NTRK3: variants seen among roughly 807,000 people sequenced by gnomAD.
NTRK3 encodes the protein neurotrophic receptor tyrosine kinase 3.
A neutral mutation model predicts 91.7 loss-of-function variants in NTRK3; 24 were observed. The observed-to-expected ratio is 0.26, with a 90% confidence interval of 0.19 to 0.37. NTRK3 has a LOEUF of 0.37. Among genes scored for constraint, NTRK3 ranks in the 10% least tolerant of loss-of-function variants. NTRK3 has a pLI of 1.00. For synonymous variants in NTRK3, 483 were observed against 404.0 expected (o/e 1.20, Z -2.34); for missense variants, 880 against 1,068.9 (o/e 0.82, Z 2.46).
rs77672890 is a variant in NTRK3 at position 88,233,503 on chromosome 15, C to G, written c.248+22403G>C. ...ACCACAGTTAGCATCCTCGAAAGAGCAAATCCCAAGACCCTCTAATCCCCC... is the reference window on the plus strand; with the variant it reads ...ACCACAGTTAGCATCCTCGAAAGAGGAAATCCCAAGACCCTCTAATCCCCC... On this transcript the variant is annotated intron_variant, in intron 3 of 18. Coordinates refer to ENST00000394480, the Ensembl canonical transcript of NTRK3. The surrounding 1 kb of genome is among the most constrained non-coding windows in gnomAD (Gnocchi z 4.2). Among the ~76,000 whole-genome samples the G allele has an allele frequency of 4.8e-3, 733 of 152,274 alleles. 2 individuals are homozygous for G. Among genetic ancestry groups the G allele is most frequent in the African/African-American group, 0.017 (708 of 41,542 alleles).
At chr15:88,223,929 G>T (rs1421980446) in intron 3 of NTRK3, among the ~76,000 whole-genome samples, 3 of 152,174 alleles carry the variant, frequency 2.0e-5, no homozygotes, top group Non-Finnish European at 4.4e-5. Context: ...CAAGATGAGG[G>T]CAGTGAGATG....
chr15:87,939,378 G>A (rs886130732), intron 15 of NTRK3, among the ~76,000 whole-genome samples: 7 of 152,156 alleles, frequency 4.6e-5, no homozygotes, highest in African/African-American at 1.7e-4. Flanking sequence ...TACAGATAAG[G>A]AAATTGAGGC....
chr15:88,107,288 C>T (rs768836707), intron 13 of NTRK3, among the ~76,000 whole-genome samples: 1 of 152,108 alleles, frequency 6.6e-6, no homozygotes, highest in African/African-American at 2.4e-5. Flanking sequence ...ACAAAAACTA[C>T]AAAAATTAGC....
rs1012468703 is a variant in NTRK3, at chr15:87,883,565, T to C, written c.2134-3137A>G. On this transcript the variant is annotated intron_variant, in intron 17 of 18. Coordinates refer to ENST00000394480, the Ensembl canonical transcript of NTRK3. ...AATACAAATAATGGGTTTCAATAAG[T>C]AGATATGAGTGTTGTGATTGTGTGC... 2.0e-5 allele frequency among the ~76,000 whole-genome samples: 3 copies of C among 151,230 alleles called. No homozygotes were observed. In the East Asian group the frequency reaches 5.8e-4, roughly 29 times the overall value.
chr15:88,248,349 G>C (rs963025882), intron 3 of NTRK3, among the ~76,000 whole-genome samples: 5 of 152,134 alleles, frequency 3.3e-5, no homozygotes, highest in Non-Finnish European at 7.3e-5. Flanking sequence ...GACAGTGTTG[G>C]CCACACTGTT....
intron 13 of NTRK3, among the ~76,000 whole-genome samples, chr15:88,079,832 A>C (rs1597179830): frequency 1.3e-5 from 2 of 152,252 alleles, no homozygotes; most frequent in South Asian, 2.1e-4. Flanking sequence ...CGAAGAAAAT[A>C]AAAATAAAAA....
At chr15:87,956,985 G>C (rs781491046) in intron 14 of NTRK3, among the ~76,000 whole-genome samples, 5 of 152,100 alleles carry the variant, frequency 3.3e-5, no homozygotes, top group Admixed American at 6.5e-5. Context: ...CTCTGCACTG[G>C]GGGCGGAGCA....
At chr15:88,051,099 C>T (rs930234378) in intron 13 of NTRK3, among the ~76,000 whole-genome samples, 2 of 152,162 alleles carry the variant, frequency 1.3e-5, no homozygotes, top group African/African-American at 4.8e-5. Context: ...AACCACATCT[C>T]CTACCAGCAA....
chr15:88,013,238 G>A (rs1295842304), intron 14 of NTRK3, among the ~76,000 whole-genome samples: 1 of 152,170 alleles, frequency 6.6e-6, no homozygotes, highest in Non-Finnish European at 1.5e-5. Flanking sequence ...AGGTGAAACC[G>A]TGCACTGGTA....
chr15:88,239,563 C>T (rs908194641), intron 3 of NTRK3, among the ~76,000 whole-genome samples: 6 of 152,124 alleles, frequency 3.9e-5, no homozygotes, highest in African/African-American at 7.2e-5. Context: ...AAGGCAGGTT[C>T]AGGTCAAGTC....
intron 3 of NTRK3, among the ~76,000 whole-genome samples, chr15:88,226,499 C>T (rs1290611912): frequency 6.6e-6 from 1 of 152,220 alleles, no homozygotes; most frequent in Admixed American, 6.5e-5. Context: ...ACACTCACTT[C>T]CTAGAGAACA....
intron 14 of NTRK3, among the ~76,000 whole-genome samples, chr15:87,966,964 T>C (rs2072852438): frequency 6.6e-6 from 1 of 152,190 alleles, no homozygotes; most frequent in South Asian, 2.1e-4. Flanking sequence ...CCACCCTCAG[T>C]TGTCACAACC....
chr15:88,173,052 A>G (rs1173903784), intron 5 of NTRK3, among the ~76,000 whole-genome samples: 1 of 152,168 alleles, frequency 6.6e-6, no homozygotes, highest in Non-Finnish European at 1.5e-5. Flanking sequence ...CTGCGGTGCA[A>G]AACACATTTG....
In NTRK3 at chr15:88,233,707, T is replaced by G. The variant is rs1435843788; in HGVS notation, c.248+22199A>C. 1.3e-5 allele frequency among the ~76,000 whole-genome samples: 2 copies of G among 151,876 alleles called. No homozygotes were observed. Among genetic ancestry groups the G allele is most frequent in the African/African-American group, 4.8e-5 (2 of 41,328 alleles). On this transcript the variant is annotated intron_variant, in intron 3 of 18. Transcript: ENST00000394480. The surrounding 1 kb of genome is among the most constrained non-coding windows in gnomAD (Gnocchi z 4.2). ...CAGAAAACTGCTCTCCTCTCCTCCC[T>G]CTCCTCCTGGTCCTCCTTACTCTCC...
chr15:87,979,490 C>A (rs1265910255), intron 14 of NTRK3: 3 of 1,491,676 alleles, frequency 2.0e-6, no homozygotes, highest in East Asian at 4.5e-5. Flanking sequence ...GAAAAAAAAA[C>A]AGAAAAAAGC....
chr15:87,942,050 G>T (rs1049203540), intron 14 of NTRK3, among the ~76,000 whole-genome samples: 6 of 152,240 alleles, frequency 3.9e-5, no homozygotes, highest in Admixed American at 2.0e-4. Flanking sequence ...AGGGACAGAG[G>T]GGCATGGCTG....
At chr15:88,232,387 C>T (rs2051288162) in intron 3 of NTRK3, among the ~76,000 whole-genome samples, 1 of 152,144 alleles carries the variant, frequency 6.6e-6, no homozygotes, top group Non-Finnish European at 1.5e-5. Context: ...GCTGTACCCT[C>T]TGCAATATCT....
At chr15:88,097,345 A>G (rs770316599) in intron 13 of NTRK3, among the ~76,000 whole-genome samples, 3 of 152,160 alleles carry the variant, frequency 2.0e-5, no homozygotes, top group Admixed American at 1.3e-4. Context: ...GACTATGAAG[A>G]GTGTGATTAT....
chr15:87,871,376 C>T (rs2064824194), exon 19 of NTRK3: 1 of 231,388 alleles, frequency 4.3e-6, no homozygotes, highest in Non-Finnish European at 8.6e-6. Flanking sequence ...GTGACACAAA[C>T]ATTCACCACA....
Sources: allele counts gnomAD v4.1 joint callset (sites outside exome capture counted in the v4.1 genomes callset), GRCh38; gene constraint gnomAD v4.1.1; non-coding constraint Gnocchi (gnomAD v3.1); transcripts MANE v1.5; gene names NCBI Gene and HGNC (gene_info 2026-07-23, HGNC 2026-07-21).